PDE4D: variants seen among roughly 807,000 people sequenced by gnomAD.
PDE4D encodes phosphodiesterase 4D.
PDE4D carries 24 observed loss-of-function variants against 87.4 expected under a neutral mutation model. That is an observed-to-expected ratio of 0.27 (90% CI 0.20 to 0.39). The LOEUF is 0.39. Ranked by LOEUF, PDE4D falls within the 10% of genes least tolerant of loss-of-function variation. PDE4D has a pLI of 1.00. For synonymous variants in PDE4D, 384 were observed against 383.2 expected, an observed-to-expected ratio of 1.00 and a Z score of -0.02; for missense variants, 714 against 1,041.0, an observed-to-expected ratio of 0.69 and a Z score of 4.32.
chr5:59,523,384 A>G (rs1354007437), intron 1 of PDE4D, among the ~76,000 whole-genome samples: 2 of 152,218 alleles, frequency 1.3e-5, no homozygotes. Flanking sequence ...CTCTAAATTG[A>G]GTTTTCTATT....
intron 1 of PDE4D, among the ~76,000 whole-genome samples, chr5:60,376,436 T>C (rs1028033754): frequency 5.3e-5 from 8 of 152,146 alleles, no homozygotes; most frequent in African/African-American, 1.4e-4. Context: ...TATAGTGAAC[T>C]GTTTAGCCGG....
chr5:59,395,025 G>T (rs1789085749), intron 1 of PDE4D, among the ~76,000 whole-genome samples: 1 of 152,118 alleles, frequency 6.6e-6, no homozygotes, highest in African/African-American at 2.4e-5. Context: ...TTTTCCGACG[G>T]GCTTAAAAAA....
intron 1 of PDE4D, among the ~76,000 whole-genome samples, chr5:59,411,763 C>A (rs1236832688): frequency 1.3e-5 from 2 of 152,276 alleles, no homozygotes; most frequent in Non-Finnish European, 2.9e-5. Flanking sequence ...GGGGTTAGGA[C>A]TTCAACATTT....
chr5:60,477,990 A>G (rs1361111051), intron 1 of PDE4D, among the ~76,000 whole-genome samples: 1 of 152,292 alleles, frequency 6.6e-6, no homozygotes, highest in Non-Finnish European at 1.5e-5. Context: ...TATCCTTTTA[A>G]TCATTTATCC....
chr5:60,223,500 T>C (rs1369416105), intron 1 of PDE4D, among the ~76,000 whole-genome samples: 1 of 152,056 alleles, frequency 6.6e-6, no homozygotes, highest in Non-Finnish European at 1.5e-5. Flanking sequence ...ATCAGGCTCA[T>C]GATGACCCAC....
At chr5:59,361,931 A>G (rs552795861) in intron 1 of PDE4D, among the ~76,000 whole-genome samples, 43 of 152,080 alleles carry the variant, frequency 2.8e-4, no homozygotes, top group Non-Finnish European at 5.1e-4. Flanking sequence ...TCTTTTTCCT[A>G]TTTGATTGAT....
intron 1 of PDE4D, among the ~76,000 whole-genome samples, chr5:60,475,319 G>A (rs1748224325): frequency 1.3e-5 from 2 of 152,142 alleles, no homozygotes; most frequent in African/African-American, 4.8e-5. Flanking sequence ...CTCTAGGCTT[G>A]TTAGTGGGTT....
intron 1 of PDE4D, among the ~76,000 whole-genome samples, chr5:60,425,481 T>G (rs934855567): frequency 2.0e-5 from 3 of 152,230 alleles, no homozygotes; most frequent in African/African-American, 4.8e-5. Context: ...GCTAGCCATA[T>G]GTAGAAAGCT....
chr5:60,429,055 C>A (rs2150108158), intron 1 of PDE4D, among the ~76,000 whole-genome samples: 1 of 152,292 alleles, frequency 6.6e-6, no homozygotes, highest in South Asian at 2.1e-4. Context: ...TTCATTCACC[C>A]TCAAAAAATG....
At chr5:59,323,294 ATC>A (rs1279353090) in intron 1 of PDE4D, among the ~76,000 whole-genome samples, 1 of 151,942 alleles carries the variant, frequency 6.6e-6, no homozygotes, top group Admixed American at 6.6e-5. Context: ...AAGCTCTTTT[ATC>A]TCTCTCTCTT....
At chr5:59,642,483 C>A (rs576493715) in intron 1 of PDE4D, among the ~76,000 whole-genome samples, 109 of 152,234 alleles carry the variant, frequency 7.2e-4, no homozygotes, top group Non-Finnish European at 1.2e-3. Flanking sequence ...TAATTTGAAT[C>A]ATGGGGGAAG....
At chr5:59,034,836 T>C (rs780085966) in intron 6 of PDE4D, among the ~76,000 whole-genome samples, 1 of 152,200 alleles carries the variant, frequency 6.6e-6, no homozygotes, top group African/African-American at 2.4e-5. Flanking sequence ...AACACAGTCA[T>C]TTCCAGCCAT....
intron 1 of PDE4D, among the ~76,000 whole-genome samples, chr5:59,276,430 A>G (rs978286251): frequency 2.6e-5 from 4 of 152,160 alleles, no homozygotes; most frequent in African/African-American, 9.6e-5. Context: ...ATTTCACTGA[A>G]GCACTAAAAC....
At chr5:59,205,651 TAAACAC>T (rs1554097723) in intron 2 of PDE4D, among the ~76,000 whole-genome samples, 1 of 62,728 alleles carries the variant, frequency 1.6e-5, no homozygotes, top group Non-Finnish European at 3.5e-5. Context: ...ATCCACTAGC[TAAACAC>T]ACACACACAC....
intron 2 of PDE4D, among the ~76,000 whole-genome samples, chr5:60,084,905 G>A (rs1302587850): frequency 1.3e-5 from 2 of 152,156 alleles, no homozygotes; most frequent in Non-Finnish European, 2.9e-5. Flanking sequence ...ATTTAAGCCT[G>A]ATTGATATAA....
intron 1 of PDE4D, among the ~76,000 whole-genome samples, chr5:59,720,141 G>A (rs1755619610): frequency 6.6e-6 from 1 of 152,160 alleles, no homozygotes; most frequent in Non-Finnish European, 1.5e-5. Context: ...GAGAATGGTA[G>A]ACTATTTACA....
rs117379706 is a variant in PDE4D, at chr5:60,236,294, G to T, written c.-89-50607C>A. The stretch of plus-strand genomic sequence containing the variant: ...GTTTTGTGAATGGCCCCTGCTAAGG[G>T]ATTGAAAAGACAAGCTATAGACTGA... On this transcript the variant is annotated intron_variant, in intron 1 of 16. Coordinates refer to the PDE4D transcript ENST00000502484. 2.6e-3 allele frequency among the ~76,000 whole-genome samples: 401 copies of T among 151,882 alleles called. 19 individuals carry two copies. The East Asian group carries it at 0.068, about 26-fold the overall frequency.
At chr5:60,326,844 T>C (rs1164593254) in intron 1 of PDE4D, among the ~76,000 whole-genome samples, 1 of 152,158 alleles carries the variant, frequency 6.6e-6, no homozygotes, top group Admixed American at 6.5e-5. Context: ...GTCGTTCAAG[T>C]TTAGATTGCA....
At chr5:59,256,406 T>C (rs1760972483) in intron 1 of PDE4D, among the ~76,000 whole-genome samples, 1 of 152,086 alleles carries the variant, frequency 6.6e-6, no homozygotes, top group African/African-American at 2.4e-5. Context: ...GCTTCTCGAG[T>C]GCTCTGCAGA....
Sources: gnomAD v4.1 joint callset for allele counts (sites outside exome capture counted in the v4.1 genomes callset) on GRCh38, gnomAD v4.1.1 for gene constraint, MANE v1.5 for transcripts, NCBI Gene and HGNC (gene_info 2026-07-23, HGNC 2026-07-21) for gene names.